The following VPS13C variants were observed in gnomAD, a reference collection of about 807,000 sequenced individuals.
The protein encoded by VPS13C is vacuolar protein sorting 13 homolog C, also known as intermembrane lipid transfer protein VPS13C.
VPS13C carries 358 observed loss-of-function variants against 456.8 expected under a neutral mutation model. That is an observed-to-expected ratio of 0.78 (90% CI 0.72 to 0.86). The LOEUF (loss-of-function observed/expected upper bound fraction) is 0.86. Ranked by LOEUF, VPS13C falls within the 40% of genes least tolerant of loss-of-function variation. The pLI is 0.00. For missense variants in VPS13C, 4,818 were observed against 4,385.4 expected (o/e 1.10, Z -2.79); for synonymous variants, 1,578 against 1,486.7 (o/e 1.06, Z -1.41).
chr15:62,057,088 T>C (rs71411477), intron 1 of VPS13C, among the ~76,000 whole-genome samples: 1 of 152,148 alleles, frequency 6.6e-6, no homozygotes, highest in Non-Finnish European at 1.5e-5. Context: ...TCTTTATTTC[T>C]ACACTCTCTC....
At position 61,984,740 on chromosome 15, in the gene VPS13C, T is replaced by G. The variant is rs562287362; in HGVS notation, c.1721+117A>C. On this transcript the variant is annotated intron_variant, in intron 19 of 84. Transcript: ENST00000644861. ...AATATAAAAAGGCTATCTTGACATA[T>G]ACAAGGAAAAGAAATTAAAGAGCTG... is the stretch of plus-strand genomic sequence containing the variant. 3 of 1,058,524 alleles carry G rather than the reference T, an allele frequency of 2.8e-6. No homozygotes were observed. In the African/African-American group the frequency reaches 4.9e-5, roughly 17 times the overall value. The allele number at this position is 1,058,524 out of a possible 1,614,324, so 65.6% of individuals were successfully genotyped here. A position where few individuals can be genotyped will look rare whatever the true frequency, so the allele number is the denominator to read the frequency against.
chr15:61,973,356 C>A, intron 26 of VPS13C, 98 bp downstream of exon 26: 1 of 959,584 alleles, frequency 1.0e-6, no homozygotes, highest in Non-Finnish European at 1.6e-6. Context: ...TAAATTACTA[C>A]AGCACTTTCA....
chr15:62,013,981 T>C lies in VPS13C; in HGVS notation c.696A>G (p.Glu232=). ...CATTTAATATGCATGGAGTCCAGTGTTCATTTGCAGTCTAAAAGAAAAAAG... is the reference window on the plus strand; with the variant it reads ...CATTTAATATGCATGGAGTCCAGTGCTCATTTGCAGTCTAAAAGAAAAAAG... The part of the protein sequence containing the change: ...LGELSLLTAN[E]HWTPCILNEA... Residue 232 remains glutamate (E), a synonymous_variant, in exon 10 of 85, where the codon GAA becomes GAG. Coordinates refer to ENST00000644861, the MANE Select transcript of VPS13C (RefSeq NM_020821.3). The C allele has an allele frequency of 3.7e-6, 6 of 1,610,588 alleles. No individual in the cohort carries two copies. The highest frequency in any genetic ancestry group is 2.2e-5 in the East Asian group (1 of 44,772).
intron 11 of VPS13C, among the ~76,000 whole-genome samples, 185 bp from the exon 12 acceptor site, chr15:62,012,349 C>T (rs947392669): frequency 6.6e-6 from 1 of 151,556 alleles, no homozygotes; most frequent in African/African-American, 2.4e-5. Context: ...TATAAAGATA[C>T]AGAAGCAGAT....
At chr15:62,023,076 ATTAACTCTT>A (rs2047517352) in intron 8 of VPS13C, among the ~76,000 whole-genome samples, 1 of 151,994 alleles carries the variant, frequency 6.6e-6, no homozygotes, top group Non-Finnish European at 1.5e-5. Flanking sequence ...ACCTTTTAGA[ATTAACTCTT>A]TTGTCAGCAT....
intron 3 of VPS13C, among the ~76,000 whole-genome samples, chr15:62,037,029 T>C (rs969831359): frequency 1.1e-4 from 16 of 148,966 alleles, no homozygotes; most frequent in Admixed American, 9.6e-4. Flanking sequence ...ACAATATACT[T>C]TGCATACTTA....
chr15:61,938,489 A>C (rs759344525), intron 47 of VPS13C, among the ~76,000 whole-genome samples: 1 of 152,108 alleles, frequency 6.6e-6, no homozygotes, highest in African/African-American at 2.4e-5. Context: ...GACTATGACC[A>C]AAGGGGGGTG....
intron 13 of VPS13C, 52 bp from the exon 14 acceptor site, chr15:62,008,813 A>G: frequency 8.9e-7 from 1 of 1,123,524 alleles, no homozygotes; most frequent in Non-Finnish European, 1.2e-6. Context: ...TATAAAAAAA[A>G]GACTAAATTT....
Position 61,964,781 on chromosome 15 carries a change from T to A in VPS13C, c.3132A>T (p.Pro1044=). 3 of 1,612,768 alleles carry A rather than the reference T, an allele frequency of 1.9e-6. No homozygotes were observed. The highest frequency in any genetic ancestry group is 2.5e-6 in the Non-Finnish European group (3 of 1,179,132). Residue 1044 remains proline (P), a synonymous_variant, in exon 31 of 85, where the codon CCA becomes CCT. Transcript: ENST00000644861. ...ASINYLTTII[P]SDDQSISVAK... The stretch of plus-strand genomic sequence containing the variant: ...CAACACTTATGCTTTGATCATCAGA[T>A]GGAATAATGGTTGTGAGGTAATTAA...
intron 37 of VPS13C, among the ~76,000 whole-genome samples, chr15:61,955,800 T>C (rs1003033031): frequency 3.3e-5 from 5 of 152,106 alleles, no homozygotes; most frequent in African/African-American, 7.2e-5. Context: ...AGTCAGAATA[T>C]CTATTGAAAA....
intron 37 of VPS13C, among the ~76,000 whole-genome samples, chr15:61,955,905 A>G (rs538965438): frequency 1.3e-5 from 2 of 152,276 alleles, no homozygotes; most frequent in East Asian, 3.9e-4. Flanking sequence ...GCCACTATAG[A>G]AAGCAGTTTG....
At chr15:62,019,665 A>C (rs1485082397) in intron 9 of VPS13C, among the ~76,000 whole-genome samples, 12 of 151,822 alleles carry the variant, frequency 7.9e-5, no homozygotes, top group African/African-American at 2.9e-4. Context: ...TGTTTGTTAT[A>C]ATTTCTGTTC....
chr15:61,928,132 G>T (rs993725742), intron 51 of VPS13C, among the ~76,000 whole-genome samples: 4 of 151,726 alleles, frequency 2.6e-5, no homozygotes, highest in Non-Finnish European at 4.4e-5. Flanking sequence ...ACATGGCACA[G>T]GTATACATAT....
intron 8 of VPS13C, among the ~76,000 whole-genome samples, chr15:62,021,458 C>G (rs1159492689): frequency 2.0e-5 from 3 of 151,810 alleles, no homozygotes. Context: ...TGTTGTATTT[C>G]TGATCTTCAA....
At chr15:61,896,397 T>C (rs2042813928) in intron 66 of VPS13C, among the ~76,000 whole-genome samples, 1 of 151,924 alleles carries the variant, frequency 6.6e-6, no homozygotes, top group Non-Finnish European at 1.5e-5. Context: ...GGTGCACGCA[T>C]GGTGCGCGAG....
chr15:61,953,622 T>C (rs988497019), intron 38 of VPS13C, among the ~76,000 whole-genome samples: 1 of 152,118 alleles, frequency 6.6e-6, no homozygotes, highest in South Asian at 2.1e-4. Context: ...CCACATTTTC[T>C]TAATCCAGTC....
At chr15:62,003,234 C>T (rs934952701) in intron 15 of VPS13C, among the ~76,000 whole-genome samples, 3 of 151,176 alleles carry the variant, frequency 2.0e-5, no homozygotes, top group Non-Finnish European at 4.4e-5. Flanking sequence ...AGGTCCTTCA[C>T]GTCCTTTGTA....
chr15:61,874,372 T>A (rs1415510318), intron 77 of VPS13C, among the ~76,000 whole-genome samples: 1 of 151,994 alleles, frequency 6.6e-6, no homozygotes, highest in East Asian at 1.9e-4. Flanking sequence ...ATGTTCGAGG[T>A]GATAAATATG....
chr15:61,880,632 G>A lies in VPS13C; in HGVS notation c.9979C>T (p.His3327Tyr), dbSNP rs1184565422. The A allele has an allele frequency of 6.3e-7, 1 of 1,585,322 alleles. No individual in the cohort carries two copies. The highest frequency in any genetic ancestry group is 1.8e-5 in the Admixed American group (1 of 55,136). ...TDMSILSFFE[H>Y]FHISPVKLHL... ...ACCTTCACAGGAGAAATATGGAAATGTTCAAAGAAACTAAGAATTGACATA... is the reference window on the plus strand; with the variant it reads ...ACCTTCACAGGAGAAATATGGAAATATTCAAAGAAACTAAGAATTGACATA... The change falls in exon 73 of 85, where the codon CAT (histidine) becomes TAT (tyrosine). Residue 3327 changes from histidine (H) to tyrosine (Y), a missense_variant. By Grantham distance (83) the His-to-Tyr change is moderately conservative. Transcript: ENST00000644861.
Sources: allele counts gnomAD v4.1 joint callset (sites outside exome capture counted in the v4.1 genomes callset), GRCh38; gene constraint gnomAD v4.1.1; transcripts MANE v1.5; gene names NCBI Gene and HGNC (gene_info 2026-07-23, HGNC 2026-07-21).